Variants in ZFPM1 observed in about 807,000 individuals in gnomAD.
ZFPM1 encodes zinc finger protein, FOG family member 1.
In ZFPM1, 28 loss-of-function variants were observed where a neutral mutation model predicts 46.3. The observed-to-expected ratio is 0.60, with a 90% CI of 0.45 to 0.83. The LOEUF (loss-of-function observed/expected upper bound fraction) is 0.83, where lower values mean the gene tolerates loss of function less well. Among genes scored for constraint, ZFPM1 ranks in the 40% least tolerant of loss-of-function variants. The pLI is 0.00. For synonymous variants in ZFPM1, 957 were observed against 675.9 expected (o/e 1.42, Z -6.45); for missense variants, 1,878 against 1,432.4 (o/e 1.31, Z -5.02).
At position 88,453,687 on chromosome 16, in the gene ZFPM1, A is replaced by C; in HGVS notation, c.40+9A>C. 1.7e-6 allele frequency: 2 copies of C among 1,194,780 alleles called. No individual in the cohort carries two copies. Among genetic ancestry groups the C allele is most frequent in the Non-Finnish European group, 2.1e-6 (2 of 946,796 alleles). The allele number at this position is 1,194,780 out of a possible 1,614,324, so 74.0% of individuals were successfully genotyped here. On this transcript the variant is annotated intron_variant, in intron 1 of 9. Transcript: ENST00000319555. ...CCCCCGGCAGATCAAGCGTGAGTCAAACTTTGCCCGCGGTCCCCTCCGCGC... is the reference window on the plus strand; with the variant it reads ...CCCCCGGCAGATCAAGCGTGAGTCACACTTTGCCCGCGGTCCCCTCCGCGC...
chr16:88,454,852 G>T (rs561275348), intron 1 of ZFPM1, among the ~76,000 whole-genome samples: 1 of 152,244 alleles, frequency 6.6e-6, no homozygotes, highest in South Asian at 2.1e-4. Flanking sequence ...AGCCGTAGGC[G>T]CCCGGGCACT....
Position 88,535,024 on chromosome 16 carries a change from T to G in ZFPM1, c.*45T>G. On this transcript the variant is annotated 3_prime_UTR_variant, in exon 10 of 10. Transcript: ENST00000319555. ...AGACGCTTTGCACGCCCCGCTGCGA[T>G]GCGGGGAGGGGGCCGCCCCCAGGCC... 7.4e-7 allele frequency: 1 copy of G among 1,355,262 alleles called. No homozygotes were observed. The highest frequency in any genetic ancestry group is 9.6e-7 in the Non-Finnish European group (1 of 1,045,314). The allele number at this position is 1,355,262 out of a possible 1,614,324, so 84.0% of individuals were successfully genotyped here. A position where few individuals can be genotyped will look rare whatever the true frequency, so the allele number is the denominator to read the frequency against.
intron 1 of ZFPM1, among the ~76,000 whole-genome samples, chr16:88,460,922 C>CAGGAGGCCCTGGTGAGGACCCAGGGGT (rs1907796110): frequency 3.7e-5 from 1 of 27,194 alleles, no homozygotes; most frequent in South Asian, 1.9e-3. Flanking sequence ...GACCGAGGGG[C>CAGGAGGCCCTGGTGAGGACCCAGGGGT]GGGGCGGGAG....
chr16:88,534,226 C>T lies in ZFPM1; in HGVS notation c.2268C>T (p.Pro756=). The stretch of plus-strand genomic sequence containing the variant: ...AGCTGCACGCGGCCGGCGCCCCGCC[C>T]CCCCCGCCGCCCGGCCACGCCCCCG... ...LYELHAAGAP[P]PPPPGHAPAP... is the part of the protein sequence containing the mutation. The change falls in exon 10 of 10, where the codon CCC becomes CCT. Residue 756 remains proline (P), a synonymous_variant. Coordinates refer to ENST00000319555, the MANE Select transcript of ZFPM1 (RefSeq NM_153813.3). 3.0e-6 allele frequency: 3 copies of T among 984,918 alleles called. No individual in the cohort carries two copies. The highest frequency in any genetic ancestry group is 3.6e-6 in the Non-Finnish European group (3 of 831,006). The allele number at this position is 984,918 out of a possible 1,614,324, so 61.0% of individuals were successfully genotyped here.
chr16:88,459,471 G>A (rs1184277899), intron 1 of ZFPM1, among the ~76,000 whole-genome samples: 3 of 152,070 alleles, frequency 2.0e-5, no homozygotes, highest in Non-Finnish European at 4.4e-5. Context: ...TGTAAGAATG[G>A]AAGGAAAATA....
chr16:88,501,654 G>C (rs1165793116), intron 3 of ZFPM1, among the ~76,000 whole-genome samples: 1 of 145,578 alleles, frequency 6.9e-6, no homozygotes, highest in African/African-American at 2.6e-5. Flanking sequence ...CCATCGCGCA[G>C]GTGCTGGTGA....
intron 2 of ZFPM1, among the ~76,000 whole-genome samples, chr16:88,486,304 C>T (rs147618672): frequency 1.1e-4 from 16 of 152,350 alleles, no homozygotes; most frequent in Middle Eastern, 3.4e-3. Flanking sequence ...AGACCAAGGC[C>T]CAGATGGGGC....
chr16:88,511,701 G>A, intron 3 of ZFPM1, among the ~76,000 whole-genome samples: 1 of 152,322 alleles, frequency 6.6e-6, no homozygotes, highest in African/African-American at 2.4e-5. Context: ...TAGGTTATGT[G>A]AGCAGAAGAG....
intron 1 of ZFPM1, among the ~76,000 whole-genome samples, chr16:88,472,671 T>C (rs1908481527): frequency 6.6e-6 from 1 of 152,210 alleles, no homozygotes. Flanking sequence ...TATTTTTTAT[T>C]GTGGTAAAGT....
intron 4 of ZFPM1, among the ~76,000 whole-genome samples, chr16:88,517,222 ATGGATGGGTGGGTGGG>A (rs1432277143): frequency 0.017 from 1,402 of 80,656 alleles, 39 homozygotes; most frequent in African/African-American, 0.053. Context: ...GGATGGATGG[ATGGATGGGTGGGTGGG>A]TGGGTGGATG....
intron 3 of ZFPM1, among the ~76,000 whole-genome samples, chr16:88,501,776 A>G (rs1910353778): frequency 1.4e-5 from 2 of 146,386 alleles, no homozygotes; most frequent in African/African-American, 5.5e-5. Flanking sequence ...TAATGGAGAT[A>G]GCGGGCATGG....
intron 4 of ZFPM1, chr16:88,516,270 C>A (rs1911291011): frequency 1.0e-5 from 4 of 398,360 alleles, no homozygotes; most frequent in Non-Finnish European, 1.8e-5. Context: ...CAGGAGTCAT[C>A]CCCACGGGCT....
At chr16:88,494,213 A>G (rs1284742747) in intron 3 of ZFPM1, among the ~76,000 whole-genome samples, 2 of 152,094 alleles carry the variant, frequency 1.3e-5, no homozygotes, top group Non-Finnish European at 2.9e-5. Context: ...AGAAGCCGCC[A>G]TCTGCAACCT....
chr16:88,516,478 G>C, intron 4 of ZFPM1: 1 of 398,500 alleles, frequency 2.5e-6, no homozygotes. Flanking sequence ...GCCCGGGGAG[G>C]AAGGAGCCCC....
At chr16:88,503,187 G>A (rs182915196) in intron 3 of ZFPM1, among the ~76,000 whole-genome samples, 44 of 152,302 alleles carry the variant, frequency 2.9e-4, no homozygotes, top group African/African-American at 8.9e-4. Context: ...GCTGTGTCTG[G>A]GGGGCCACGG....
In ZFPM1 at chr16:88,488,103, C is replaced by T. The variant is rs571267604; in HGVS notation, c.146-928C>T. Among the ~76,000 whole-genome samples, 5 of 152,338 alleles carry T rather than the reference C, an allele frequency of 3.3e-5. No homozygotes were observed. The East Asian group carries it at 9.7e-4, about 29-fold the overall frequency. Reference sequence around the variant, plus strand: ...CTGGGGGGAGAGAGCACGTGTAGCACATGTGGACTCCGAGGCCCTTGGCTG... The same window carrying T: ...CTGGGGGGAGAGAGCACGTGTAGCATATGTGGACTCCGAGGCCCTTGGCTG... On this transcript the variant is annotated intron_variant, in intron 2 of 9. Coordinates refer to ENST00000319555, the MANE Select transcript of ZFPM1 (RefSeq NM_153813.3).
intron 2 of ZFPM1, among the ~76,000 whole-genome samples, chr16:88,486,790 T>C (rs28634651): frequency 0.45 from 66,414 of 148,978 alleles, 15,020 homozygotes; most frequent in African/African-American, 0.55. Context: ...GGGTGCTGGG[T>C]GCACAGTGGA....
In ZFPM1 at chr16:88,526,882, T is replaced by G. The variant is rs758570586; in HGVS notation, c.471T>G (p.Thr157=). The G allele has an allele frequency of 8.9e-6, 14 of 1,566,154 alleles. No individual in the cohort carries two copies. The highest frequency in any genetic ancestry group is 1.1e-5 in the Non-Finnish European group (13 of 1,154,956). The change falls in exon 5 of 10, where the codon ACT becomes ACG. Residue 157 remains threonine, a synonymous_variant. Coordinates refer to ENST00000319555, the MANE Select transcript of ZFPM1 (RefSeq NM_153813.3). ...CWLRTLPQAL[T]EAEANTEIHR... is the part of the protein sequence containing the mutation. ...TGAGGACGCTGCCCCAGGCCCTGAC[T>G]GAGGCCGAGGCCAACACAGAGATCC... is the stretch of plus-strand genomic sequence containing the variant.
intron 4 of ZFPM1, among the ~76,000 whole-genome samples, chr16:88,516,886 T>C (rs2142437590): frequency 6.6e-6 from 1 of 152,214 alleles, no homozygotes; most frequent in South Asian, 2.1e-4. Flanking sequence ...CAGGCCGGGA[T>C]GAACAGGGAC....
Sources: gnomAD v4.1 joint callset for allele counts (sites outside exome capture counted in the v4.1 genomes callset) on GRCh38, gnomAD v4.1.1 for gene constraint, MANE v1.5 for transcripts, NCBI Gene and HGNC (gene_info 2026-07-23, HGNC 2026-07-21) for gene names.